NLGN4X: variants seen among roughly 807,000 people sequenced by gnomAD.
The protein encoded by NLGN4X is neuroligin-4, X-linked.
In NLGN4X, 3 loss-of-function variants were observed where a neutral mutation model predicts 40.3. That is an observed-to-expected ratio of 0.07 (90% CI 0.03 to 0.19). NLGN4X has a LOEUF of 0.19. Ranked by LOEUF, NLGN4X falls within the 10% of genes least tolerant of loss-of-function variation. The pLI, the probability that NLGN4X is intolerant of heterozygous loss-of-function variation, is 1.00. For missense variants in NLGN4X, 382 were observed against 708.3 expected (o/e 0.54, Z 5.23); for synonymous variants, 270 against 306.8 (o/e 0.88, Z 1.25).
chrX:6,190,739 G>C (rs1232795064), intron 1 of NLGN4X, among the ~76,000 whole-genome samples: 1 of 111,763 alleles, frequency 8.9e-6, no homozygotes, highest in African/African-American at 3.3e-5. Context: ...CTGACATTTT[G>C]AACCCCACTC....
chrX:6,198,616 T>C (rs921084928), intron 1 of NLGN4X, among the ~76,000 whole-genome samples: 5 of 111,922 alleles, frequency 4.5e-5, no homozygotes, highest in African/African-American at 1.3e-4. Context: ...TGAGCTCCTA[T>C]ACTGGTGATA....
chrX:6,008,109 G>A (rs1158733528), intron 3 of NLGN4X, among the ~76,000 whole-genome samples: 5 of 112,053 alleles, frequency 4.5e-5, no homozygotes, highest in South Asian at 3.7e-4. Flanking sequence ...GGAAATTCAC[G>A]TAACATAAAG....
chrX:6,003,242 A>C (rs985184604), intron 3 of NLGN4X, among the ~76,000 whole-genome samples: 5 of 112,101 alleles, frequency 4.5e-5, no homozygotes, highest in African/African-American at 1.6e-4. Flanking sequence ...GGCTAGCTTG[A>C]AGTAAGCTTA....
At chrX:6,050,726 T>A (rs1213115345) in intron 2 of NLGN4X, among the ~76,000 whole-genome samples, 1 of 111,286 alleles carries the variant, frequency 9.0e-6, no homozygotes, top group African/African-American at 3.3e-5. Flanking sequence ...CTATCTACCT[T>A]TCTATCTATC....
chrX:5,954,416 T>A lies in NLGN4X; in HGVS notation c.626-45177A>T, dbSNP rs894106431. 5.5e-3 allele frequency among the ~76,000 whole-genome samples: 370 copies of A among 67,332 alleles called. 2 individuals are homozygous for A. The highest frequency in any genetic ancestry group is 0.018 in the African/African-American group (354 of 19,182). 58.5% of individuals were successfully genotyped at this position (67,332 alleles called of 115,157 possible). On this transcript the variant is annotated intron_variant, in intron 3 of 5. Coordinates refer to ENST00000381095, the MANE Select transcript of NLGN4X (RefSeq NM_181332.3). ...CTTTTTTTTTTTTTTTTTTTTTTTT[T>A]AAGAGATGAGGTCTCACTATGTTGC...
chrX:6,064,873 C>T (rs1216963840), intron 2 of NLGN4X, among the ~76,000 whole-genome samples: 1 of 111,120 alleles, frequency 9.0e-6, no homozygotes, highest in Non-Finnish European at 1.9e-5. Flanking sequence ...AGATGGCCAT[C>T]AACGGTGAAC....
intron 1 of NLGN4X, among the ~76,000 whole-genome samples, chrX:6,185,207 T>C (rs1326636145): frequency 8.9e-6 from 1 of 112,169 alleles, no homozygotes; most frequent in Non-Finnish European, 1.9e-5. Flanking sequence ...GTGACCGCTG[T>C]TCCAGGCCTT....
intron 3 of NLGN4X, among the ~76,000 whole-genome samples, chrX:5,970,329 A>G: frequency 9.0e-6 from 1 of 110,868 alleles, no homozygotes; most frequent in African/African-American, 3.3e-5. Context: ...CTAGAACTTA[A>G]AGTATAATAA....
At chrX:6,198,552 C>T (rs751626811) in intron 1 of NLGN4X, among the ~76,000 whole-genome samples, 2 of 111,938 alleles carry the variant, frequency 1.8e-5, no homozygotes, top group Non-Finnish European at 3.8e-5. Flanking sequence ...CCTGATCCCT[C>T]TCCTCAGGGT....
At chrX:6,076,428 T>C (rs1252348395) in intron 2 of NLGN4X, among the ~76,000 whole-genome samples, 2 of 112,195 alleles carry the variant, frequency 1.8e-5, no homozygotes, top group Non-Finnish European at 3.8e-5. Flanking sequence ...GCTTGAGGAA[T>C]GATCATTTAG....
chrX:6,061,410 A>G (rs1278794150), intron 2 of NLGN4X, among the ~76,000 whole-genome samples: 4 of 56,033 alleles, frequency 7.1e-5, no homozygotes, highest in Non-Finnish European at 1.5e-4. Context: ...AAAAGCAATA[A>G]AACAATTTTC....
intron 1 of NLGN4X, among the ~76,000 whole-genome samples, chrX:6,188,640 A>C (rs1181913296): frequency 9.0e-6 from 1 of 111,497 alleles, no homozygotes; most frequent in Non-Finnish European, 1.9e-5. Context: ...GTTTAATAAA[A>C]GATTCATTTG....
intron 1 of NLGN4X, among the ~76,000 whole-genome samples, chrX:6,177,261 C>T (rs908637551): frequency 9.0e-6 from 1 of 111,731 alleles, no homozygotes; most frequent in Non-Finnish European, 1.9e-5. Flanking sequence ...TGGGCTCAAG[C>T]GATTCTCCTG....
chrX:6,036,426 T>C (rs1410274284), intron 2 of NLGN4X, among the ~76,000 whole-genome samples: 1 of 112,010 alleles, frequency 8.9e-6, no homozygotes, highest in Non-Finnish European at 1.9e-5. Context: ...CATTCTTTTT[T>C]AATAAACTGC....
intron 3 of NLGN4X, among the ~76,000 whole-genome samples, chrX:5,947,214 T>C (rs1310773282): frequency 1.8e-5 from 2 of 111,927 alleles, no homozygotes; most frequent in Non-Finnish European, 3.8e-5. Context: ...ATGGGATTGC[T>C]GGGTCTAATG....
At chrX:6,224,175 A>G (rs1387576318) in intron 1 of NLGN4X, among the ~76,000 whole-genome samples, 1 of 112,916 alleles carries the variant, frequency 8.9e-6, no homozygotes, top group African/African-American at 3.2e-5. Context: ...TTGCTACTTC[A>G]TTTGAATGCA....
At position 6,217,290 on chromosome X, in the gene NLGN4X, T is replaced by A. The variant is rs1270683123; in HGVS notation, c.-306+11251A>T. Among the ~76,000 whole-genome samples, 10 of 112,203 alleles carry A rather than the reference T, an allele frequency of 8.9e-5. No individual in the cohort carries two copies. In the Admixed American group the frequency reaches 9.5e-4, roughly 11 times the overall value. On this transcript the variant is annotated intron_variant, in intron 1 of 5. Coordinates refer to ENST00000381095, the MANE Select transcript of NLGN4X (RefSeq NM_181332.3). The stretch of plus-strand genomic sequence containing the variant: ...ACATGTTGGTCTAGAAAGAAACAAT[T>A]TTTTATTATTTGGGATCTTACTAGA...
At chrX:6,092,675 C>CA (rs1479403204) in intron 2 of NLGN4X, among the ~76,000 whole-genome samples, 2 of 110,809 alleles carry the variant, frequency 1.8e-5, no homozygotes, top group Non-Finnish European at 3.8e-5. Flanking sequence ...AAACAATAAA[C>CA]AAAAAACAGG....
intron 2 of NLGN4X, among the ~76,000 whole-genome samples, chrX:6,054,570 T>C (rs745844256): frequency 9.0e-6 from 1 of 111,304 alleles, no homozygotes; most frequent in East Asian, 2.8e-4. Flanking sequence ...CAGTGAGCTA[T>C]GATCATACCA....
Sources: allele counts gnomAD v4.1 joint callset (sites outside exome capture counted in the v4.1 genomes callset), GRCh38; gene constraint gnomAD v4.1.1; transcripts MANE v1.5; gene names NCBI Gene and HGNC (gene_info 2026-07-23, HGNC 2026-07-21).